The following ANKRD62 variants were observed in gnomAD, a reference collection of about 807,000 sequenced individuals.
ANKRD62 encodes ankyrin repeat domain-containing protein 62.
Under a neutral mutation model 98.8 loss-of-function variants are expected in ANKRD62, and 61 were observed. The observed-to-expected ratio is 0.62, with a 90% confidence interval of 0.50 to 0.76. The LOEUF is 0.76. Among genes scored for constraint, ANKRD62 ranks in the 30% least tolerant of loss-of-function variants. The pLI, the probability that ANKRD62 is intolerant of heterozygous loss-of-function variation, is 0.00. For synonymous variants in ANKRD62, 341 were observed against 367.9 expected (o/e 0.93, Z 0.84); for missense variants, 933 against 1,082.9 (o/e 0.86, Z 1.94).
At chr18:12,102,259 C>T (rs547742963) in intron 6 of ANKRD62, 31 of 763,662 alleles carry the variant, frequency 4.1e-5, no homozygotes, top group African/African-American at 1.0e-4. Flanking sequence ...AAAACACTGA[C>T]GACCCTCTCA....
At chr18:12,115,738 A>G (rs1909650948) in intron 10 of ANKRD62, among the ~76,000 whole-genome samples, 1 of 152,096 alleles carries the variant, frequency 6.6e-6, no homozygotes, top group Admixed American at 6.6e-5. Flanking sequence ...TACCTTTCTC[A>G]GTGTGAATGA....
At chr18:12,137,762 G>T in the ANKRD62 span, among the ~76,000 whole-genome samples, 1 of 151,944 alleles carries the variant, frequency 6.6e-6, no homozygotes, top group Non-Finnish European at 1.5e-5. Flanking sequence ...CAACTTCCTG[G>T]TTTAGTCTTG....
intron 5 of ANKRD62, 133 bp downstream of exon 5, chr18:12,097,910 A>C (rs1359773119): frequency 9.8e-7 from 1 of 1,022,494 alleles, no homozygotes; most frequent in Non-Finnish European, 1.4e-6. Flanking sequence ...AGTCCACTTC[A>C]TCAGCCAGAA....
At chr18:12,137,418 A>C in the ANKRD62 span, among the ~76,000 whole-genome samples, 4 of 151,974 alleles carry the variant, frequency 2.6e-5, no homozygotes, top group East Asian at 1.9e-4. Flanking sequence ...ATGGTGGATA[A>C]GCTTTTTGAT....
At chr18:12,175,380 C>T in the ANKRD62 span, among the ~76,000 whole-genome samples, 10,033 of 151,952 alleles carry the variant, frequency 0.066, 774 homozygotes, top group East Asian at 0.46. Context: ...AGCGGGAGGG[C>T]GGCTGACTGC....
chr18:12,175,556 C>T, the ANKRD62 span, among the ~76,000 whole-genome samples: 2 of 151,918 alleles, frequency 1.3e-5, no homozygotes, highest in Non-Finnish European at 2.9e-5. Context: ...CAGGCTGGTG[C>T]TTTGCCATGG....
At chr18:12,171,765 TTCAGGTACACCAC>T in the ANKRD62 span, among the ~76,000 whole-genome samples, 1 of 152,348 alleles carries the variant, frequency 6.6e-6, no homozygotes, top group Non-Finnish European at 1.5e-5. Flanking sequence ...CCCTGTCACT[TTCAGGTACACCAC>T]TCAGACGTAG....
At chr18:12,109,742 C>G (rs1195589966) in intron 8 of ANKRD62, among the ~76,000 whole-genome samples, 2 of 151,976 alleles carry the variant, frequency 1.3e-5, no homozygotes, top group African/African-American at 4.8e-5. Flanking sequence ...TCTACCAAGC[C>G]AGGAGTTGGC....
Position 12,125,575 on chromosome 18 carries a change from C to G in ANKRD62, c.1754C>G (p.Thr585Ser). The change falls in exon 13 of 14, where the codon ACT becomes AGT. Residue 585 changes from threonine (T) to serine (S), a missense_variant. By Grantham distance (58) the Thr-to-Ser change is moderately conservative. Around this residue, in one of 3 missense-constraint regions of ANKRD62, gnomAD observed 362 missense variants for 434.5 expected, o/e 0.83. Coordinates refer to ENST00000587848, the MANE Select transcript of ANKRD62 (RefSeq NM_001277333.2). ...IDTIKHQNQE[T>S]ENKYFKDIEI... ...ACAATAAAACATCAGAACCAGGAAA[C>G]TGAAAATAAATATTTCAAAGATATT... The G allele has an allele frequency of 1.3e-6, 2 of 1,528,178 alleles. No homozygotes were observed. The highest frequency in any genetic ancestry group is 1.7e-6 in the Non-Finnish European group (2 of 1,144,452). The allele number at this position is 1,528,178 out of a possible 1,614,324, so 94.7% of individuals were successfully genotyped here.
the ANKRD62 span, among the ~76,000 whole-genome samples, chr18:12,141,041 G>A: frequency 6.6e-6 from 1 of 152,228 alleles, no homozygotes; most frequent in African/African-American, 2.4e-5. Context: ...ACCTACTCAA[G>A]ACTGAGCAAT....
Position 12,125,605 on chromosome 18 carries a change from T to C in ANKRD62, c.1784T>C (p.Ile595Thr). Residue 595 changes from isoleucine to threonine, a missense_variant, in exon 13 of 14, where the codon ATT (isoleucine) becomes ACT (threonine). Physicochemically the swap from Ile to Thr is moderately conservative, Grantham distance 89. This residue lies in a region of ANKRD62 where 362 missense variants were observed against 434.5 expected (regional missense o/e 0.83). Coordinates refer to ENST00000587848, the MANE Select transcript of ANKRD62 (RefSeq NM_001277333.2). ...AATAAATATTTCAAAGATATTGAAA[T>C]TATAAAGGAAAACAATGAAGACCTT... is the stretch of plus-strand genomic sequence containing the variant. ...TENKYFKDIE[I>T]IKENNEDLEK... is the part of the protein sequence containing the mutation. 1.3e-6 allele frequency: 2 copies of C among 1,526,998 alleles called. No homozygotes were observed. The highest frequency in any genetic ancestry group is 1.7e-6 in the Non-Finnish European group (2 of 1,144,132). 94.6% of individuals were successfully genotyped at this position (1,526,998 alleles called of 1,614,324 possible). A position where few individuals can be genotyped will look rare whatever the true frequency, so the allele number is the denominator to read the frequency against.
At chr18:12,122,720 A>T (rs1328379496) in intron 11 of ANKRD62, among the ~76,000 whole-genome samples, 1 of 152,178 alleles carries the variant, frequency 6.6e-6, no homozygotes, top group African/African-American at 2.4e-5. Flanking sequence ...CCTTTAAATC[A>T]TTATTTTAAT....
At chr18:12,134,621 G>A (rs950232928), downstream of ANKRD62, among the ~76,000 whole-genome samples, 4 of 152,140 alleles carry the variant, frequency 2.6e-5, no homozygotes, top group South Asian at 2.1e-4. Flanking sequence ...GAGAACATGC[G>A]GTGTTTGGTT....
At chr18:12,109,972 C>T (rs899350249) in intron 8 of ANKRD62, among the ~76,000 whole-genome samples, 2 of 103,730 alleles carry the variant, frequency 1.9e-5, no homozygotes, top group Admixed American at 1.9e-4. Flanking sequence ...AAAAAAAAAA[C>T]AGACAGACAG....
the ANKRD62 span, among the ~76,000 whole-genome samples, chr18:12,155,721 A>C: frequency 6.6e-6 from 1 of 152,128 alleles, no homozygotes; most frequent in Non-Finnish European, 1.5e-5. Flanking sequence ...CTCCTAGTAT[A>C]TTCTACCTAA....
At chr18:12,119,747 T>A (rs1909745376) in intron 10 of ANKRD62, among the ~76,000 whole-genome samples, 1 of 151,960 alleles carries the variant, frequency 6.6e-6, no homozygotes, top group African/African-American at 2.4e-5. Flanking sequence ...TTCTCTTATT[T>A]TATTATTTAT....
chr18:12,164,324 C>A, the ANKRD62 span, among the ~76,000 whole-genome samples: 468 of 151,946 alleles, frequency 3.1e-3, 3 homozygotes, highest in Middle Eastern at 6.8e-3. Flanking sequence ...CTTTAAGTTT[C>A]TGTAGTATTA....
chr18:12,104,795 A>T (rs1909378452), intron 7 of ANKRD62, among the ~76,000 whole-genome samples: 1 of 152,190 alleles, frequency 6.6e-6, no homozygotes, highest in Non-Finnish European at 1.5e-5. Flanking sequence ...GTTTAAAAAT[A>T]GTGCAGCCTC....
At chr18:12,112,417 C>T (rs1444531171) in intron 8 of ANKRD62, among the ~76,000 whole-genome samples, 1 of 152,144 alleles carries the variant, frequency 6.6e-6, no homozygotes. Flanking sequence ...TATGAACACA[C>T]ACCTGCAACT....
Sources: allele counts gnomAD v4.1 joint callset (sites outside exome capture counted in the v4.1 genomes callset), GRCh38; gene constraint gnomAD v4.1.1; regional missense constraint gnomAD v4.1.1; transcripts MANE v1.5; gene names NCBI Gene and HGNC (gene_info 2026-07-23, HGNC 2026-07-21).